FAM135B: variants seen among roughly 807,000 people sequenced by gnomAD.
FAM135B encodes the protein protein FAM135B.
A neutral mutation model predicts 127.7 loss-of-function variants in FAM135B; 43 were observed. That is an observed-to-expected ratio of 0.34 (90% confidence interval 0.26 to 0.43). The LOEUF is 0.43. Among genes scored for constraint, FAM135B ranks in the 20% least tolerant of loss-of-function variants. The probability of loss-of-function intolerance (pLI) is 1.00; values close to 1 mark genes in which losing one functional copy is unlikely to be tolerated. For missense variants in FAM135B, 1,558 were observed against 1,725.6 expected, an observed-to-expected ratio of 0.90 and a Z score of 1.72; for synonymous variants, 670 against 665.1, an observed-to-expected ratio of 1.01 and a Z score of -0.11.
At chr8:138,465,782 A>ATT (rs34679807) in intron 1 of FAM135B, among the ~76,000 whole-genome samples, 49 of 145,856 alleles carry the variant, frequency 3.4e-4, no homozygotes, top group East Asian at 1.4e-3. Context: ...GTTTCACCTG[A>ATT]TTTTTTTTTT....
intron 6 of FAM135B, among the ~76,000 whole-genome samples, chr8:138,245,421 T>C (rs1179261879): frequency 6.6e-6 from 1 of 152,104 alleles, no homozygotes; most frequent in East Asian, 1.9e-4. Context: ...GGTGGTTACC[T>C]CCATGCTGTT....
chr8:138,448,334 T>A (rs1836310636), intron 1 of FAM135B, among the ~76,000 whole-genome samples: 2 of 152,072 alleles, frequency 1.3e-5, no homozygotes, highest in Non-Finnish European at 2.9e-5. Flanking sequence ...GTGGGTCACA[T>A]CAATCAGTTG....
At chr8:138,361,492 A>G (rs1209269567) in intron 2 of FAM135B, among the ~76,000 whole-genome samples, 3 of 152,198 alleles carry the variant, frequency 2.0e-5, no homozygotes, top group East Asian at 1.9e-4. Context: ...TGCAAAGTCA[A>G]ATAAGATCAG....
intron 2 of FAM135B, among the ~76,000 whole-genome samples, chr8:138,364,209 G>A (rs1351155890): frequency 2.0e-5 from 3 of 152,156 alleles, no homozygotes; most frequent in African/African-American, 7.2e-5. Flanking sequence ...GGGACTCAGA[G>A]GAGAAAAATA....
chr8:138,344,020 C>CT lies in FAM135B; in HGVS notation c.77+23886dup, dbSNP rs538268803. 2.9e-4 allele frequency among the ~76,000 whole-genome samples: 44 copies of CT among 152,242 alleles called. No homozygotes were observed. In the East Asian group the frequency reaches 8.5e-3, roughly 29 times the overall value. On this transcript the variant is annotated intron_variant, in intron 2 of 19. Coordinates refer to ENST00000395297, the MANE Select transcript of FAM135B (RefSeq NM_015912.4). ...CCCTCCAGCACCTCTGGCTGCTGTG[C>CT]TGATGAGAATGGGATGAGGAGGGAG...
intron 3 of FAM135B, among the ~76,000 whole-genome samples, chr8:138,266,826 G>A (rs558262581): frequency 3.1e-4 from 45 of 147,306 alleles, no homozygotes; most frequent in Admixed American, 8.2e-4. Flanking sequence ...ATACATATGC[G>A]TATATATACA....
intron 2 of FAM135B, among the ~76,000 whole-genome samples, chr8:138,334,720 A>C (rs1390111769): frequency 6.6e-6 from 1 of 152,118 alleles, no homozygotes; most frequent in African/African-American, 2.4e-5. Flanking sequence ...AAAGAACATG[A>C]TCTTGTTCTT....
At chr8:138,393,290 C>G (rs1338468736) in intron 1 of FAM135B, among the ~76,000 whole-genome samples, 1 of 152,106 alleles carries the variant, frequency 6.6e-6, no homozygotes, top group Non-Finnish European at 1.5e-5. Flanking sequence ...CCAACAGAGT[C>G]AAGTGACTCT....
intron 2 of FAM135B, among the ~76,000 whole-genome samples, chr8:138,346,834 G>A (rs1829442279): frequency 6.6e-6 from 1 of 152,104 alleles, no homozygotes; most frequent in South Asian, 2.1e-4. Flanking sequence ...AATAAATGTT[G>A]AAGAAAATAA....
At chr8:138,340,843 G>T (rs1264746269) in intron 2 of FAM135B, among the ~76,000 whole-genome samples, 1 of 152,088 alleles carries the variant, frequency 6.6e-6, no homozygotes, top group Non-Finnish European at 1.5e-5. Context: ...CACTTTCTTG[G>T]CAGTGGTAAA....
chr8:138,381,351 CAAGCT>C (rs1223033533), intron 1 of FAM135B, among the ~76,000 whole-genome samples: 1 of 152,182 alleles, frequency 6.6e-6, no homozygotes, highest in Non-Finnish European at 1.5e-5. Flanking sequence ...CTCTACCTGA[CAAGCT>C]CCCCATCCTT....
chr8:138,379,214 AG>A (rs1469218694), intron 1 of FAM135B, among the ~76,000 whole-genome samples: 1 of 152,174 alleles, frequency 6.6e-6, no homozygotes, highest in African/African-American at 2.4e-5. Flanking sequence ...AATCATGGAA[AG>A]AGCAGGGGCT....
intron 1 of FAM135B, among the ~76,000 whole-genome samples, chr8:138,429,674 G>A (rs913796135): frequency 1.3e-5 from 2 of 152,176 alleles, no homozygotes; most frequent in African/African-American, 4.8e-5. Flanking sequence ...TGATGACTGT[G>A]TTTTGTCTTA....
At chr8:138,299,135 A>C (rs1418140109) in intron 3 of FAM135B, among the ~76,000 whole-genome samples, 1 of 151,068 alleles carries the variant, frequency 6.6e-6, no homozygotes, top group African/African-American at 2.4e-5. Context: ...ATAAAAAAAC[A>C]CTCTAACTTT....
chr8:138,204,210 G>C (rs1817380720), intron 7 of FAM135B, among the ~76,000 whole-genome samples: 1 of 152,116 alleles, frequency 6.6e-6, no homozygotes, highest in African/African-American at 2.4e-5. Context: ...CAGAGCTTTA[G>C]TGGCACTTCT....
At chr8:138,138,598 A>G (rs938584060) in intron 18 of FAM135B, among the ~76,000 whole-genome samples, 9 of 152,244 alleles carry the variant, frequency 5.9e-5, no homozygotes, top group African/African-American at 2.2e-4. Context: ...CCCGTCTCCC[A>G]CTGCACAGTC....
intron 1 of FAM135B, among the ~76,000 whole-genome samples, chr8:138,482,983 T>A (rs1814846031): frequency 1.3e-5 from 2 of 152,154 alleles, no homozygotes; most frequent in Non-Finnish European, 2.9e-5. Context: ...CACATTTTTC[T>A]ACAAAACCTG....
intron 16 of FAM135B, 47 bp downstream of exon 16, chr8:138,142,965 T>C: frequency 1.0e-6 from 1 of 975,924 alleles, no homozygotes; most frequent in South Asian, 1.3e-5. Flanking sequence ...CACTCAAAAA[T>C]GTCCCCCCTC....
At chr8:138,290,019 C>G (rs1049051194) in intron 3 of FAM135B, among the ~76,000 whole-genome samples, 4 of 152,170 alleles carry the variant, frequency 2.6e-5, no homozygotes, top group East Asian at 1.9e-4. Flanking sequence ...CCTAAAAACA[C>G]TGTGTCAGGA....
Sources: gnomAD v4.1 joint callset for allele counts (sites outside exome capture counted in the v4.1 genomes callset) on GRCh38, gnomAD v4.1.1 for gene constraint, MANE v1.5 for transcripts, NCBI Gene and HGNC (gene_info 2026-07-23, HGNC 2026-07-21) for gene names.